LRRC51: variants seen among roughly 807,000 people sequenced by gnomAD.
LRRC51 encodes leucine rich repeat containing 51.
Under a neutral mutation model 17.8 loss-of-function variants are expected in LRRC51, and 8 were observed. The ratio of observed to expected loss-of-function variants is 0.45; its 90% CI spans 0.26 to 0.81. The LOEUF (loss-of-function observed/expected upper bound fraction) is 0.81. Ranked by LOEUF, LRRC51 falls within the 30% of genes least tolerant of loss-of-function variation. The pLI is 0.17. For synonymous variants in LRRC51, 92 were observed against 96.0 expected, an observed-to-expected ratio of 0.96 and a Z score of 0.24; for missense variants, 233 against 239.3, an observed-to-expected ratio of 0.97 and a Z score of 0.17.
chr11:72,083,908 G>T (rs579320), intron 1 of LRRC51: 134,886 of 152,220 alleles, frequency 0.89, 60,046 homozygotes, highest in Non-Finnish European at 0.95. Context: ...TGGTAGTAGA[G>T]GGGGGTGGAC....
rs1278314206 is a variant in LRRC51 at position 72,093,604 on chromosome 11, T to G, written c.191T>G (p.Leu64Arg). 1 of 1,614,214 alleles carries G rather than the reference T, an allele frequency of 6.2e-7. No homozygotes were observed. ...LWLNNNVLND[L>R]RDFNQVASQL... ...CTGAATAACAATGTTCTCAATGATC[T>G]GAGAGACTTCAACCAGGTGGCTTCA... The change falls in exon 4 of 6, where the codon CTG becomes CGG. Residue 64 changes from leucine (L) to arginine (R), a missense_variant. By Grantham distance (102) the Leu-to-Arg change is moderately radical. Coordinates refer to ENST00000289488, the MANE Select transcript of LRRC51 (RefSeq NM_145309.6).
chr11:72,084,910 C>A (rs1944447721), intron 1 of LRRC51, among the ~76,000 whole-genome samples: 1 of 53,510 alleles, frequency 1.9e-5, no homozygotes. Context: ...GTGTGTAAAA[C>A]CTTATTAGCT....
At chr11:72,086,161 T>G in intron 1 of LRRC51, 1 of 491,544 alleles carries the variant, frequency 2.0e-6, no homozygotes, top group Non-Finnish European at 3.6e-6. Flanking sequence ...CAATTTTATC[T>G]GGAAAAGAAA....
At chr11:72,088,973 T>C (rs1285362997) in intron 2 of LRRC51, 56 bp from the exon 3 acceptor site, 1 of 1,598,236 alleles carries the variant, frequency 6.3e-7, no homozygotes, top group Non-Finnish European at 8.5e-7. Flanking sequence ...TGGAGGACTA[T>C]GGGGAAACCT....
intron 3 of LRRC51, among the ~76,000 whole-genome samples, chr11:72,091,273 G>T (rs1944842310): frequency 6.6e-6 from 1 of 152,140 alleles, no homozygotes; most frequent in Non-Finnish European, 1.5e-5. Context: ...CCTTAATTTT[G>T]ATTCATCTGT....
chr11:72,086,262 G>C, intron 1 of LRRC51: 1 of 604,696 alleles, frequency 1.7e-6, no homozygotes. Flanking sequence ...ACTGGATGCA[G>C]GCTGGTTTAC....
chr11:72,095,252 C>A, intron 5 of LRRC51, 127 bp from the exon 6 acceptor site: 7 of 1,583,994 alleles, frequency 4.4e-6, no homozygotes, highest in Non-Finnish European at 6.0e-6. Context: ...TCAGGATAAA[C>A]CTAATCTTTC....
In LRRC51 at chr11:72,095,826, CCAT is replaced by C. The variant is rs575947844; in HGVS notation, c.*307_*309del. 48 of 436,646 alleles carry C rather than the reference CCAT, an allele frequency of 1.1e-4. 1 individual carries two copies. Among genetic ancestry groups the C allele is most frequent in the South Asian group, 1.0e-3 (47 of 46,992 alleles). The allele number at this position is 436,646 out of a possible 1,614,324, so 27.0% of individuals were successfully genotyped here. ...TAGCTGTGATTAAAGGCGCCTGCCA[CCAT>C]GACTGGCTAATTTTGTTGTTGTTGT... On this transcript the variant is annotated 3_prime_UTR_variant, in exon 6 of 6. Coordinates refer to ENST00000289488, the MANE Select transcript of LRRC51 (RefSeq NM_145309.6).
In LRRC51 at chr11:72,086,263, G is replaced by T; in HGVS notation, c.-139-2034G>T. 3 of 603,570 alleles carry T rather than the reference G, an allele frequency of 5.0e-6. No homozygotes were observed. In the South Asian group the frequency reaches 6.0e-5, roughly 12 times the overall value. 37.4% of individuals were successfully genotyped at this position (603,570 alleles called of 1,614,324 possible). A position where few individuals can be genotyped will look rare whatever the true frequency, so the allele number is the denominator to read the frequency against. Reference sequence around the variant, plus strand: ...AGCTGTTACTTGGAACTGGATGCAGGCTGGTTTACCACAATCAATAGAAAC... The same window carrying T: ...AGCTGTTACTTGGAACTGGATGCAGTCTGGTTTACCACAATCAATAGAAAC... On this transcript the variant is annotated intron_variant, in intron 1 of 5. Transcript: ENST00000289488.
At position 72,096,822 on chromosome 11, in the gene LRRC51, T is replaced by G; in HGVS notation, c.*1302T>G. 1.5e-6 allele frequency: 2 copies of G among 1,320,158 alleles called. No homozygotes were observed. Among genetic ancestry groups the G allele is most frequent in the South Asian group, 4.2e-5 (2 of 48,188 alleles). 81.8% of individuals were successfully genotyped at this position (1,320,158 alleles called of 1,614,324 possible). ...AGCCCCCACTTCAATCAGATCAAAGTAATTCCATTCTGTTTTATATGCTGG... is the reference window on the plus strand; with the variant it reads ...AGCCCCCACTTCAATCAGATCAAAGGAATTCCATTCTGTTTTATATGCTGG... On this transcript the variant is annotated 3_prime_UTR_variant, in exon 6 of 6. Transcript: ENST00000289488.
chr11:72,094,789 A>C lies in LRRC51; in HGVS notation c.289-159A>C, dbSNP rs112896594. ...GATGCCCTGTATGTCTTAAAACATA[A>C]ATAAAAGTAGGTTACAGTCATACAG... On this transcript the variant is annotated intron_variant, in intron 4 of 5. Transcript: ENST00000289488. The C allele has an allele frequency of 5.1e-6, 7 of 1,379,440 alleles. No individual in the cohort carries two copies. The African/African-American group carries it at 8.5e-5, about 17-fold the overall frequency. 85.5% of individuals were successfully genotyped at this position (1,379,440 alleles called of 1,614,324 possible).
chr11:72,094,200 C>T (rs1945029755), intron 4 of LRRC51, among the ~76,000 whole-genome samples: 7 of 151,600 alleles, frequency 4.6e-5, no homozygotes, highest in Admixed American at 4.6e-4. Flanking sequence ...GCAGGAGAAT[C>T]ACTTGAACCC....
rs1256445860 is a variant in LRRC51 at position 72,095,845 on chromosome 11, T to C, written c.*325T>C. 2 of 388,400 alleles carry C rather than the reference T, an allele frequency of 5.1e-6. No homozygotes were observed. The highest frequency in any genetic ancestry group is 4.2e-5 in the African/African-American group (2 of 47,276). 24.1% of individuals were successfully genotyped at this position (388,400 alleles called of 1,614,324 possible). On this transcript the variant is annotated 3_prime_UTR_variant, in exon 6 of 6. Transcript: ENST00000289488. ...CTGCCACCATGACTGGCTAATTTTG[T>C]TGTTGTTGTTGTTGTTTTGAGACGG...
chr11:72,095,995 A>G lies in LRRC51; in HGVS notation c.*475A>G, dbSNP rs185781118. The G allele has an allele frequency of 1.5e-3, 247 of 169,914 alleles. No homozygotes were observed. Among genetic ancestry groups the G allele is most frequent in the African/African-American group, 6.1e-3 (236 of 38,646 alleles). 10.5% of individuals were successfully genotyped at this position (169,914 alleles called of 1,614,324 possible). On this transcript the variant is annotated 3_prime_UTR_variant, in exon 6 of 6. Transcript: ENST00000289488. ...GTAGCTGGGATTACAGGCGCCTGCT[A>G]CCACATCCAGCTAATTTTTTTTTTT...
chr11:72,088,244 AT>A, intron 1 of LRRC51, 52 bp from the exon 2 acceptor site: 1 of 644,286 alleles, frequency 1.6e-6, no homozygotes, highest in Non-Finnish European at 2.8e-6. Context: ...TGATAAGACA[AT>A]TCACACCACA....
Position 72,089,099 on chromosome 11 carries a change from T to G in LRRC51, c.16T>G (p.Tyr6Asp). 6.2e-7 allele frequency: 1 copy of G among 1,614,106 alleles called. No homozygotes were observed. Among genetic ancestry groups the G allele is most frequent in the Non-Finnish European group, 8.5e-7 (1 of 1,180,006 alleles). ...GGCCTGAACTATGAACAAACGGGACTATATGAACACTTCGGTACAGGAGCC... is the reference window on the plus strand; with the variant it reads ...GGCCTGAACTATGAACAAACGGGACGATATGAACACTTCGGTACAGGAGCC... MNKRD[Y>D]MNTSVQEPPL... The change falls in exon 3 of 6, where the codon TAT becomes GAT. Residue 6 changes from tyrosine (Y) to aspartate (D), a missense_variant. Coordinates refer to ENST00000289488, the MANE Select transcript of LRRC51 (RefSeq NM_145309.6).
chr11:72,086,339 C>T (rs148719844), intron 1 of LRRC51: 107 of 693,474 alleles, frequency 1.5e-4, no homozygotes, highest in African/African-American at 1.3e-3. Context: ...TGTATCTTGG[C>T]TTCATTTCTT....
At chr11:72,093,439 C>A in intron 3 of LRRC51, 57 bp from the exon 4 acceptor site, 1 of 1,510,092 alleles carries the variant, frequency 6.6e-7, no homozygotes, top group South Asian at 1.2e-5. Flanking sequence ...TGTCCCTTCC[C>A]ACCCCCTAAA....
chr11:72,095,547 A>C lies in LRRC51; in HGVS notation c.*27A>C. 11 of 1,610,440 alleles carry C rather than the reference A, an allele frequency of 6.8e-6. No individual in the cohort carries two copies. Among genetic ancestry groups the C allele is most frequent in the Non-Finnish European group, 9.3e-6 (11 of 1,178,138 alleles). On this transcript the variant is annotated 3_prime_UTR_variant, in exon 6 of 6. Transcript: ENST00000289488. ...GCTCCCACGACCCTAGTAGTCCTAAAGGCCTAAGCATAGACAGCATGGTTT... is the reference window on the plus strand; with the variant it reads ...GCTCCCACGACCCTAGTAGTCCTAACGGCCTAAGCATAGACAGCATGGTTT...
Sources: gnomAD v4.1 joint callset for allele counts (sites outside exome capture counted in the v4.1 genomes callset) on GRCh38, gnomAD v4.1.1 for gene constraint, MANE v1.5 for transcripts, NCBI Gene and HGNC (gene_info 2026-07-23, HGNC 2026-07-21) for gene names.